CBFA2T3: variants seen among roughly 807,000 people sequenced by gnomAD.
CBFA2T3 encodes CBFA2/RUNX1 partner transcriptional co-repressor 3.
A neutral mutation model predicts 58.6 loss-of-function variants in CBFA2T3; 31 were observed. The observed-to-expected ratio is 0.53, with a 90% CI of 0.40 to 0.71. CBFA2T3 has a LOEUF of 0.71. Among genes scored for constraint, CBFA2T3 ranks in the 30% least tolerant of loss-of-function variants. The pLI is 0.00. For missense variants in CBFA2T3, 1,076 were observed against 963.1 expected (o/e 1.12, Z -1.55); for synonymous variants, 531 against 421.9 (o/e 1.26, Z -3.17).
intron 1 of CBFA2T3, among the ~76,000 whole-genome samples, chr16:88,930,808 C>G (rs189122338): frequency 1.1e-3 from 7 of 6,102 alleles, no homozygotes; most frequent in African/African-American, 2.4e-3. Flanking sequence ...AGACTGGGGG[C>G]TGGGGTGGAG....
At chr16:88,932,057 C>CA (rs1971326170) in intron 1 of CBFA2T3, among the ~76,000 whole-genome samples, 1 of 152,168 alleles carries the variant, frequency 6.6e-6, no homozygotes, top group African/African-American at 2.4e-5. Context: ...ATCACACACT[C>CA]AGACTTTACA....
At chr16:88,917,795 GACAC>G (rs1341896558) in intron 1 of CBFA2T3, among the ~76,000 whole-genome samples, 1 of 152,146 alleles carries the variant, frequency 6.6e-6, no homozygotes, top group Non-Finnish European at 1.5e-5. Context: ...GCGCACGTAT[GACAC>G]ACACATGCAG....
chr16:88,889,666 G>A (rs72813595), intron 5 of CBFA2T3, among the ~76,000 whole-genome samples: 25,905 of 151,916 alleles, frequency 0.17, 2,436 homozygotes, highest in East Asian at 0.45. Context: ...AGGTCTGTGA[G>A]AGACCTTCCT....
At chr16:88,947,550 G>A (rs1049053422) in intron 1 of CBFA2T3, among the ~76,000 whole-genome samples, 2 of 152,134 alleles carry the variant, frequency 1.3e-5, no homozygotes, top group Non-Finnish European at 2.9e-5. Flanking sequence ...CTGGATTATC[G>A]TTATAATTAT....
chr16:88,946,615 TG>T (rs1971909143), intron 1 of CBFA2T3, among the ~76,000 whole-genome samples: 1 of 151,820 alleles, frequency 6.6e-6, no homozygotes, highest in Admixed American at 6.6e-5. Flanking sequence ...CCCGAGTAGC[TG>T]GGATTACAGG....
At chr16:88,965,643 G>A (rs1279143240) in intron 1 of CBFA2T3, among the ~76,000 whole-genome samples, 1 of 152,168 alleles carries the variant, frequency 6.6e-6, no homozygotes, top group Non-Finnish European at 1.5e-5. Context: ...GAGGTTGCGG[G>A]GTGCAGCTGT....
intron 1 of CBFA2T3, among the ~76,000 whole-genome samples, chr16:88,931,200 G>C (rs1465268276): frequency 6.6e-6 from 1 of 151,966 alleles, no homozygotes; most frequent in African/African-American, 2.4e-5. Flanking sequence ...CCCTCCCAGG[G>C]GCCCTGCTCC....
At chr16:88,914,575 T>C (rs1297488704) in intron 1 of CBFA2T3, among the ~76,000 whole-genome samples, 1 of 152,138 alleles carries the variant, frequency 6.6e-6, no homozygotes, top group Non-Finnish European at 1.5e-5. Context: ...GCCATCACAG[T>C]CTTGCCATGT....
chr16:88,885,840 C>T lies in CBFA2T3; in HGVS notation c.893+121G>A, dbSNP rs1210554435. 16 of 894,174 alleles carry T rather than the reference C, an allele frequency of 1.8e-5. No individual in the cohort carries two copies. Among genetic ancestry groups the T allele is most frequent in the East Asian group, 1.3e-4 (5 of 37,618 alleles). 55.4% of individuals were successfully genotyped at this position (894,174 alleles called of 1,614,324 possible). A position where few individuals can be genotyped will look rare whatever the true frequency, so the allele number is the denominator to read the frequency against. ...TACACCTCGCCACGCTCCCTCAGCCCGAGAGAGCCGGCCGGGCTGGCTGCA... is the reference window on the plus strand; with the variant it reads ...TACACCTCGCCACGCTCCCTCAGCCTGAGAGAGCCGGCCGGGCTGGCTGCA... On this transcript the variant is annotated intron_variant, in intron 6 of 11. Transcript: ENST00000268679. The surrounding 1 kb of genome is among the most constrained non-coding windows in gnomAD (Gnocchi z 5.3).
rs1257463620 is a variant in CBFA2T3, at chr16:88,894,441, TAC to T, written c.380-1958_380-1957del. 9.7e-5 allele frequency among the ~76,000 whole-genome samples: 10 copies of T among 102,682 alleles called. 1 individual carries two copies. Among genetic ancestry groups the T allele is most frequent in the Admixed American group, 9.1e-4 (9 of 9,858 alleles). 67.4% of individuals were successfully genotyped at this position (102,682 alleles called of 152,430 possible). A position where few individuals can be genotyped will look rare whatever the true frequency, so the allele number is the denominator to read the frequency against. On this transcript the variant is annotated intron_variant, in intron 3 of 11. Transcript: ENST00000268679. ...CATACATATACACATGCACACAATG[TAC>T]ACACATGCACGCACACATGCATACA...
intron 10 of CBFA2T3, chr16:88,879,794 C>T (rs1968993387): frequency 6.9e-6 from 2 of 291,568 alleles, no homozygotes; most frequent in Non-Finnish European, 6.5e-6. Flanking sequence ...CCAGGCACTG[C>T]ACCCCTGCAG....
intron 1 of CBFA2T3, among the ~76,000 whole-genome samples, chr16:88,946,404 T>G (rs1971902837): frequency 6.6e-6 from 1 of 152,092 alleles, no homozygotes; most frequent in Non-Finnish European, 1.5e-5. Flanking sequence ...CAGGAAAATG[T>G]AAAATGATGG....
At chr16:88,918,277 C>G (rs1160851748) in intron 1 of CBFA2T3, among the ~76,000 whole-genome samples, 2 of 152,262 alleles carry the variant, frequency 1.3e-5, no homozygotes, top group African/African-American at 2.4e-5. Flanking sequence ...GCTGGGCCCT[C>G]CCTGATCCCT....
At position 88,945,003 on chromosome 16, in the gene CBFA2T3, C is replaced by T. The variant is rs545132610; in HGVS notation, c.151+31654G>A. Among the ~76,000 whole-genome samples, 7 of 152,346 alleles carry T rather than the reference C, an allele frequency of 4.6e-5. No individual in the cohort carries two copies. In the East Asian group the frequency reaches 1.3e-3, roughly 29 times the overall value. On this transcript the variant is annotated intron_variant, in intron 1 of 11. Coordinates refer to ENST00000268679, the MANE Select transcript of CBFA2T3 (RefSeq NM_005187.6). ...GAGGCCAGGCCATCACTGTTGCTGA[C>T]CTTCAGAAAATAGTTCTGAGCACTA...
intron 7 of CBFA2T3, 88 bp downstream of exon 7, chr16:88,884,957 GC>G: frequency 2.1e-6 from 2 of 971,480 alleles, no homozygotes; most frequent in Non-Finnish European, 1.5e-6. Flanking sequence ...TGCCCGTGGT[GC>G]CCTGTGCCCA....
chr16:88,956,485 C>T (rs941266103), intron 1 of CBFA2T3, among the ~76,000 whole-genome samples: 1 of 152,250 alleles, frequency 6.6e-6, no homozygotes, highest in Non-Finnish European at 1.5e-5. Context: ...TAGAGGAACG[C>T]GGAGCTTCTA....
At chr16:88,928,103 C>T (rs1186233159) in intron 1 of CBFA2T3, among the ~76,000 whole-genome samples, 1 of 152,218 alleles carries the variant, frequency 6.6e-6, no homozygotes, top group African/African-American at 2.4e-5. Flanking sequence ...AGACCCTGGC[C>T]ACCACGGGGC....
chr16:88,929,437 G>A (rs868449444), intron 1 of CBFA2T3, among the ~76,000 whole-genome samples: 29 of 152,186 alleles, frequency 1.9e-4, no homozygotes, highest in Admixed American at 1.0e-3. Flanking sequence ...TTGAAACCCC[G>A]TGGACAATTA....
intron 9 of CBFA2T3, 97 bp downstream of exon 9, chr16:88,881,194 C>T: frequency 9.3e-7 from 1 of 1,073,058 alleles, no homozygotes. Context: ...AACTGTTCTG[C>T]CTGGTGTTTC....
Sources: allele counts gnomAD v4.1 joint callset (sites outside exome capture counted in the v4.1 genomes callset), GRCh38; gene constraint gnomAD v4.1.1; non-coding constraint Gnocchi (gnomAD v3.1); transcripts MANE v1.5; gene names NCBI Gene and HGNC (gene_info 2026-07-23, HGNC 2026-07-21).